Variants in DOCK1 observed in about 807,000 individuals in gnomAD.
DOCK1 encodes dedicator of cytokinesis protein 1.
Under a neutral mutation model 262.7 loss-of-function variants are expected in DOCK1, and 138 were observed. The observed-to-expected ratio is 0.53, with a 90% CI of 0.46 to 0.61. The LOEUF (loss-of-function observed/expected upper bound fraction) is 0.61. Ranked by LOEUF, DOCK1 falls within the 20% of genes least tolerant of loss-of-function variation. The pLI is 0.00. For missense variants in DOCK1, 1,908 were observed against 2,370.7 expected (o/e 0.80, Z 4.05); for synonymous variants, 866 against 867.4 (o/e 1.00, Z 0.03).
chr10:127,169,927 C>T (rs948542158), intron 27 of DOCK1, among the ~76,000 whole-genome samples: 5 of 152,144 alleles, frequency 3.3e-5, no homozygotes, highest in Non-Finnish European at 1.5e-5. Context: ...GCTCTTTCTT[C>T]CTCTCTCCCT....
chr10:127,002,981 A>G (rs2040702426), intron 10 of DOCK1, among the ~76,000 whole-genome samples: 7 of 152,244 alleles, frequency 4.6e-5, no homozygotes, highest in Admixed American at 2.0e-4. Flanking sequence ...TGACTGGCAC[A>G]TGGGGTGTCC....
chr10:127,384,666 T>C (rs138646954), intron 37 of DOCK1, 124 bp from the exon 38 acceptor site: 4 of 1,208,168 alleles, frequency 3.3e-6, no homozygotes, highest in Non-Finnish European at 4.3e-6. Context: ...CCCAGCCTGT[T>C]GACAGCAGCC....
chr10:127,405,702 A>T (rs2067479923), intron 40 of DOCK1, among the ~76,000 whole-genome samples: 1 of 152,144 alleles, frequency 6.6e-6, no homozygotes, highest in East Asian at 1.9e-4. Context: ...AGGGCATGTC[A>T]CTGTTGACAG....
chr10:126,948,058 T>G, intron 1 of DOCK1, among the ~76,000 whole-genome samples: 1 of 148,074 alleles, frequency 6.8e-6, no homozygotes, highest in African/African-American at 2.5e-5. Context: ...ATGGTGGTGG[T>G]TGGTAGTATT....
At chr10:127,023,464 C>T (rs1299987326) in intron 14 of DOCK1, 140 bp downstream of exon 14, 1 of 1,234,476 alleles carries the variant, frequency 8.1e-7, no homozygotes. Flanking sequence ...GTTCTTGTTT[C>T]CTTTTCTCCA....
At chr10:126,950,018 C>T (rs1040459003) in intron 1 of DOCK1, among the ~76,000 whole-genome samples, 28 of 151,600 alleles carry the variant, frequency 1.8e-4, no homozygotes, top group Non-Finnish European at 3.4e-4. Context: ...TCTAGACCTG[C>T]GTCTTTGAGG....
chr10:126,953,278 TGTG>T (rs1450276638), intron 1 of DOCK1, among the ~76,000 whole-genome samples: 25 of 149,986 alleles, frequency 1.7e-4, no homozygotes, highest in Middle Eastern at 7.1e-3. Context: ...GTGGTAGTGT[TGTG>T]GTGTGGTGTG....
At chr10:126,940,309 C>T (rs4078322) in intron 1 of DOCK1, among the ~76,000 whole-genome samples, 44,906 of 152,134 alleles carry the variant, frequency 0.3, 6,874 homozygotes, top group East Asian at 0.38. Flanking sequence ...AGAAGGAAGA[C>T]ATCCATGCAA....
chr10:127,420,577 A>G lies in DOCK1; in HGVS notation c.4776+828A>G, dbSNP rs531911605. Among the ~76,000 whole-genome samples, 32 of 152,258 alleles carry G rather than the reference A, an allele frequency of 2.1e-4. 1 individual carries two copies. The highest frequency in any genetic ancestry group is 7.5e-4 in the African/African-American group (31 of 41,568). On this transcript the variant is annotated intron_variant, in intron 46 of 51. Transcript: ENST00000623213. Reference sequence around the variant, plus strand: ...GCAAAGGCCTGCATGGGTTTGGACCAGGTGTCGTAGCCCAGGCCACTTTGC... The same window carrying G: ...GCAAAGGCCTGCATGGGTTTGGACCGGGTGTCGTAGCCCAGGCCACTTTGC...
intron 12 of DOCK1, among the ~76,000 whole-genome samples, chr10:127,017,501 A>ACACG (rs59632571): frequency 3.7e-5 from 2 of 54,506 alleles, no homozygotes; most frequent in Non-Finnish European, 7.4e-5. Context: ...ATACACAGAG[A>ACACG]CACACACAGA....
chr10:127,042,378 AAGCAGTAGGCCC>A (rs1186742605), intron 19 of DOCK1, among the ~76,000 whole-genome samples: 1 of 152,122 alleles, frequency 6.6e-6, no homozygotes, highest in East Asian at 1.9e-4. Flanking sequence ...CCCCTGGGGG[AAGCAGTAGGCCC>A]TCTCCTTGCT....
chr10:127,038,649 C>T (rs993454417), intron 19 of DOCK1, among the ~76,000 whole-genome samples: 75 of 152,160 alleles, frequency 4.9e-4, no homozygotes, highest in African/African-American at 1.7e-3. Flanking sequence ...TCCCACGGGA[C>T]GCTCTGCAGC....
intron 30 of DOCK1, among the ~76,000 whole-genome samples, chr10:127,340,859 A>C (rs2063396007): frequency 6.6e-6 from 1 of 152,238 alleles, no homozygotes; most frequent in South Asian, 2.1e-4. Context: ...TCTTCTCCTA[A>C]CATTCGTATT....
At chr10:127,190,615 A>G (rs1404812956) in intron 27 of DOCK1, among the ~76,000 whole-genome samples, 2 of 141,816 alleles carry the variant, frequency 1.4e-5, no homozygotes, top group South Asian at 4.5e-4. Flanking sequence ...TTTTTAAATA[A>G]TATTTCCAGT....
At chr10:127,095,327 C>T (rs1053930602) in intron 23 of DOCK1, among the ~76,000 whole-genome samples, 14 of 152,220 alleles carry the variant, frequency 9.2e-5, no homozygotes, top group Non-Finnish European at 1.9e-4. Flanking sequence ...TACTCTGACC[C>T]TTCCTGTTCT....
chr10:126,952,926 TG>T (rs2036424570), intron 1 of DOCK1, among the ~76,000 whole-genome samples: 2 of 146,480 alleles, frequency 1.4e-5, no homozygotes, highest in Non-Finnish European at 3.0e-5. Flanking sequence ...TTGTTATTGT[TG>T]GTAGTATTGT....
At chr10:127,162,870 C>T (rs756248869) in intron 27 of DOCK1, among the ~76,000 whole-genome samples, 10 of 152,166 alleles carry the variant, frequency 6.6e-5, no homozygotes, top group African/African-American at 9.7e-5. Flanking sequence ...ACACAGGTCT[C>T]GCCCCCAGAC....
In DOCK1 at chr10:127,127,648, C is replaced by G. The variant is rs183386929; in HGVS notation, c.2752-21C>G. On this transcript the variant is annotated intron_variant, in intron 26 of 51. Transcript: ENST00000623213. ...TTAATGTTTCTCTGGTGTTGGTGTT[C>G]ATTGGTGTGTCCTTCCCCAGGGGCC... 1.9e-6 allele frequency: 3 copies of G among 1,592,522 alleles called. No individual in the cohort carries two copies. In the East Asian group the frequency reaches 6.7e-5, roughly 36 times the overall value.
intron 27 of DOCK1, chr10:127,135,386 C>T (rs1261923928): frequency 6.6e-6 from 1 of 152,458 alleles, no homozygotes; most frequent in African/African-American, 2.4e-5. Context: ...TTTTATGTTC[C>T]CCAATTTTTG....
Sources: allele counts gnomAD v4.1 joint callset (sites outside exome capture counted in the v4.1 genomes callset), GRCh38; gene constraint gnomAD v4.1.1; transcripts MANE v1.5; gene names NCBI Gene and HGNC (gene_info 2026-07-23, HGNC 2026-07-21).